PASD1: variants seen among roughly 807,000 people sequenced by gnomAD.
The protein encoded by PASD1 is circadian clock protein PASD1.
PASD1 carries 13 observed loss-of-function variants against 58.8 expected under a neutral mutation model. The observed-to-expected ratio is 0.22, with a 90% CI of 0.14 to 0.35. The LOEUF (loss-of-function observed/expected upper bound fraction) is 0.35. Among genes scored for constraint, PASD1 ranks in the 10% least tolerant of loss-of-function variants. The pLI is 1.00. For synonymous variants in PASD1, 236 were observed against 216.7 expected (o/e 1.09, Z -0.78); for missense variants, 734 against 568.3 (o/e 1.29, Z -2.96).
chrX:151,657,776 G>C (rs1189244848), intron 9 of PASD1, among the ~76,000 whole-genome samples: 1 of 109,047 alleles, frequency 9.2e-6, no homozygotes, highest in East Asian at 2.8e-4. Context: ...CTTGCTAGCG[G>C]TCTATCAATT....
At chrX:151,596,675 G>T in intron 1 of PASD1, among the ~76,000 whole-genome samples, 1 of 112,119 alleles carries the variant, frequency 8.9e-6, no homozygotes, top group African/African-American at 3.2e-5. Context: ...AACCTTGCTG[G>T]ACTATTTTAT....
chrX:151,611,789 C>G (rs933966605), intron 4 of PASD1, 36 bp downstream of exon 4: 2 of 1,059,600 alleles, frequency 1.9e-6, no homozygotes, highest in African/African-American at 1.9e-5. Flanking sequence ...GTGGATCATT[C>G]TGGTTTGTTG....
At chrX:151,577,118 G>A (rs2013018643) in intron 1 of PASD1, among the ~76,000 whole-genome samples, 2 of 111,410 alleles carry the variant, frequency 1.8e-5, no homozygotes, top group African/African-American at 3.3e-5. Flanking sequence ...TGCTTGAACC[G>A]AGGAATTATT....
intron 7 of PASD1, among the ~76,000 whole-genome samples, chrX:151,624,374 C>T (rs775336087): frequency 4.5e-5 from 5 of 111,160 alleles, no homozygotes; most frequent in Admixed American, 3.8e-4. Context: ...GAGCACTGTT[C>T]GGGCCATGTT....
At position 151,563,721 on chromosome X, in the gene PASD1, C is replaced by T. The variant is rs2012781292; in HGVS notation, c.-146C>T. The T allele has an allele frequency of 8.9e-6, 1 of 112,271 alleles. No individual in the cohort carries two copies. Among genetic ancestry groups the T allele is most frequent in the African/African-American group, 3.2e-5 (1 of 30,813 alleles). The allele number at this position is 112,271 out of a possible 1,213,427, so 9.3% of individuals were successfully genotyped here. A position where few individuals can be genotyped will look rare whatever the true frequency, so the allele number is the denominator to read the frequency against. On this transcript the variant is annotated 5_prime_UTR_variant, in exon 1 of 16. Transcript: ENST00000370357. ...TCCCTGAAGAGTCTAGAAGCTGCTC[C>T]TCATTTCCAGACTTTCCGGGCGCCC...
In PASD1 at chrX:151,635,459, G is replaced by T. The variant is rs182290970; in HGVS notation, c.629+9929G>T. ...GTGTATATAAAATAATACAAATCAT[G>T]AGTTCATAGTGATGCTTCAGATTCT... On this transcript the variant is annotated intron_variant, in intron 8 of 15. Transcript: ENST00000370357. Among the ~76,000 whole-genome samples, 4 of 111,788 alleles carry T rather than the reference G, an allele frequency of 3.6e-5. No homozygotes were observed. In the East Asian group the frequency reaches 1.1e-3, roughly 31 times the overall value.
Position 151,608,267 on chromosome X carries a change from G to A in PASD1, c.118-3397G>A, listed in dbSNP as rs1470154071. On this transcript the variant is annotated intron_variant, in intron 3 of 15. Transcript: ENST00000370357. ...GTCAATTGGGTGGGAATGGAATGGC[G>A]TCTTGTTTCATTACAAATGACAATG... Among the ~76,000 whole-genome samples the A allele has an allele frequency of 3.6e-5, 4 of 111,677 alleles. No homozygotes were observed. In the Admixed American group the frequency reaches 3.8e-4, roughly 11 times the overall value.
intron 11 of PASD1, among the ~76,000 whole-genome samples, chrX:151,668,914 A>G (rs866721981): frequency 6.6e-5 from 1 of 15,221 alleles, no homozygotes; most frequent in Non-Finnish European, 1.8e-4. Flanking sequence ...AAAAAAAAAG[A>G]GATTTTTTTT....
At chrX:151,627,470 C>T (rs2013803961) in intron 8 of PASD1, among the ~76,000 whole-genome samples, 1 of 110,130 alleles carries the variant, frequency 9.1e-6, no homozygotes, top group Non-Finnish European at 1.9e-5. Context: ...GTTTTTTGTC[C>T]TTGCCATAGT....
intron 9 of PASD1, among the ~76,000 whole-genome samples, chrX:151,653,868 C>CTCCCTCCT (rs1556202852): frequency 4.9e-4 from 8 of 16,460 alleles, no homozygotes; most frequent in African/African-American, 1.7e-3. Flanking sequence ...CCCTCCCTCC[C>CTCCCTCCT]TCTTTCTTTC....
chrX:151,569,023 G>T (rs1206332317), intron 1 of PASD1, among the ~76,000 whole-genome samples: 3 of 111,307 alleles, frequency 2.7e-5, no homozygotes, highest in Non-Finnish European at 5.6e-5. Context: ...GACCTCAAGA[G>T]GGGTGTTGAT....
intron 15 of PASD1, among the ~76,000 whole-genome samples, chrX:151,675,776 G>C (rs1337366242): frequency 8.9e-6 from 1 of 112,513 alleles, no homozygotes; most frequent in African/African-American, 3.2e-5. Flanking sequence ...GCCCAGGTCT[G>C]CTTCTGCTGC....
chrX:151,638,020 C>G (rs917924866), intron 8 of PASD1, among the ~76,000 whole-genome samples: 2 of 111,377 alleles, frequency 1.8e-5, no homozygotes, highest in Admixed American at 1.9e-4. Context: ...TTTGCAAAGT[C>G]AGAGCAGTAA....
At chrX:151,578,997 C>T (rs943405874) in intron 1 of PASD1, among the ~76,000 whole-genome samples, 5 of 111,955 alleles carry the variant, frequency 4.5e-5, no homozygotes, top group African/African-American at 9.7e-5. Flanking sequence ...CCTGAGAACC[C>T]GTCCTTTAAA....
intron 1 of PASD1, among the ~76,000 whole-genome samples, chrX:151,587,876 A>T (rs951784107): frequency 8.9e-6 from 1 of 112,046 alleles, no homozygotes; most frequent in African/African-American, 3.3e-5. Flanking sequence ...CTTAAGATGG[A>T]TGAGTAACTG....
chrX:151,607,637 G>T (rs1348183339), intron 3 of PASD1, among the ~76,000 whole-genome samples: 2 of 111,889 alleles, frequency 1.8e-5, no homozygotes, highest in African/African-American at 6.5e-5. Context: ...AGGGGAGGAA[G>T]GGAAAATACT....
intron 1 of PASD1, among the ~76,000 whole-genome samples, chrX:151,592,560 A>G (rs1480234491): frequency 8.9e-6 from 1 of 112,069 alleles, no homozygotes; most frequent in Non-Finnish European, 1.9e-5. Context: ...AAGTTTTTGG[A>G]ATTTAAAATT....
intron 2 of PASD1, among the ~76,000 whole-genome samples, 185 bp from the exon 3 acceptor site, chrX:151,604,461 A>G: frequency 8.9e-6 from 1 of 112,251 alleles, no homozygotes; most frequent in Middle Eastern, 4.6e-3. Flanking sequence ...TTCAATTCCA[A>G]ACACTTCTGG....
At chrX:151,568,021 G>A (rs750834810) in intron 1 of PASD1, among the ~76,000 whole-genome samples, 9 of 112,017 alleles carry the variant, frequency 8.0e-5, no homozygotes, top group Non-Finnish European at 1.7e-4. Flanking sequence ...CACCACGCCC[G>A]AACAATTGTC....
Sources: gnomAD v4.1 joint callset for allele counts (sites outside exome capture counted in the v4.1 genomes callset) on GRCh38, gnomAD v4.1.1 for gene constraint, MANE v1.5 for transcripts, NCBI Gene and HGNC (gene_info 2026-07-23, HGNC 2026-07-21) for gene names.